CALN1: variants seen among roughly 807,000 people sequenced by gnomAD.
CALN1 encodes calcium-binding protein 8.
In CALN1, 17 loss-of-function variants were observed where a neutral mutation model predicts 30.6. The ratio of observed to expected loss-of-function variants is 0.56; its 90% CI spans 0.38 to 0.83. CALN1 has a LOEUF of 0.83. CALN1 is among the 40% of genes least tolerant of loss of function. The pLI is 0.00. For missense variants in CALN1, 291 were observed against 354.9 expected (o/e 0.82, Z 1.45); for synonymous variants, 156 against 131.4 (o/e 1.19, Z -1.28).
At chr7:72,055,934 T>C (rs1803227729) in intron 4 of CALN1, among the ~76,000 whole-genome samples, 2 of 152,136 alleles carry the variant, frequency 1.3e-5, no homozygotes, top group Non-Finnish European at 2.9e-5. Flanking sequence ...GGCAGGAGGA[T>C]TGCTTGAGCT....
At chr7:72,218,351 G>A (rs936036832) in intron 3 of CALN1, among the ~76,000 whole-genome samples, 3 of 152,028 alleles carry the variant, frequency 2.0e-5, no homozygotes, top group Non-Finnish European at 4.4e-5. Flanking sequence ...AGGAAGCTAA[G>A]GCAGGAGAAT....
intron 3 of CALN1, among the ~76,000 whole-genome samples, chr7:72,116,872 C>T (rs377517631): frequency 6.6e-6 from 1 of 152,066 alleles, no homozygotes. Flanking sequence ...TGAGAAAGTG[C>T]CCGAGGTAGT....
intron 2 of CALN1, among the ~76,000 whole-genome samples, chr7:72,377,422 A>ATGGG (rs1201000211): frequency 6.9e-6 from 1 of 145,426 alleles, no homozygotes; most frequent in Non-Finnish European, 1.5e-5. Context: ...TTTGGGTAAT[A>ATGGG]TGGGCCACAC....
chr7:72,165,095 T>C (rs561501341), intron 3 of CALN1, among the ~76,000 whole-genome samples: 6 of 152,180 alleles, frequency 3.9e-5, no homozygotes, highest in Non-Finnish European at 8.8e-5. Context: ...AAATTGTAAA[T>C]TTTAAAGTGT....
At chr7:72,473,778 C>CA in the CALN1 span, among the ~76,000 whole-genome samples, 1 of 151,690 alleles carries the variant, frequency 6.6e-6, no homozygotes, top group African/African-American at 2.4e-5. Context: ...ACCAAAAATA[C>CA]AAAAAATTAG....
intron 3 of CALN1, among the ~76,000 whole-genome samples, chr7:72,225,101 C>CAA (rs201277766): frequency 6.0e-4 from 83 of 138,266 alleles, no homozygotes; most frequent in African/African-American, 1.8e-3. Flanking sequence ...GACTCCATCT[C>CAA]AAAAAAAAAA....
chr7:71,807,761 A>G (rs1787704049), intron 6 of CALN1, among the ~76,000 whole-genome samples: 1 of 152,000 alleles, frequency 6.6e-6, no homozygotes. Flanking sequence ...CTAACATGGT[A>G]AAACCCCATC....
chr7:72,270,704 G>A (rs1585317540), intron 3 of CALN1, among the ~76,000 whole-genome samples: 1 of 152,164 alleles, frequency 6.6e-6, no homozygotes, highest in Non-Finnish European at 1.5e-5. Context: ...GAGATCAGGA[G>A]GTCAATGCTA....
intron 4 of CALN1, among the ~76,000 whole-genome samples, chr7:72,045,482 A>C (rs989753493): frequency 1.3e-5 from 2 of 152,204 alleles, no homozygotes; most frequent in Non-Finnish European, 1.5e-5. Flanking sequence ...CAAGTAATGC[A>C]ATGAGTGAGA....
chr7:72,252,634 A>G (rs1795638748), intron 3 of CALN1, among the ~76,000 whole-genome samples: 1 of 150,786 alleles, frequency 6.6e-6, no homozygotes, highest in Non-Finnish European at 1.5e-5. Context: ...AAGACAGAGG[A>G]AGGAAGGGAG....
intron 5 of CALN1, among the ~76,000 whole-genome samples, chr7:71,987,344 C>T (rs1179256315): frequency 6.6e-6 from 1 of 152,182 alleles, no homozygotes; most frequent in Non-Finnish European, 1.5e-5. Flanking sequence ...TGTGCTATTT[C>T]ACAAGTCCAT....
chr7:71,814,210 G>T (rs1788129405), intron 5 of CALN1, among the ~76,000 whole-genome samples: 1 of 152,182 alleles, frequency 6.6e-6, no homozygotes, highest in African/African-American at 2.4e-5. Context: ...TGACCGCTAT[G>T]GGTATCCCAT....
intron 3 of CALN1, among the ~76,000 whole-genome samples, chr7:72,137,521 A>G (rs371602709): frequency 6.6e-6 from 1 of 152,258 alleles, no homozygotes; most frequent in African/African-American, 2.4e-5. Flanking sequence ...CAGGGTTGCC[A>G]CAAACCTTTA....
At chr7:71,880,505 CT>C (rs1200950621) in intron 5 of CALN1, among the ~76,000 whole-genome samples, 1 of 152,070 alleles carries the variant, frequency 6.6e-6, no homozygotes, top group Non-Finnish European at 1.5e-5. Flanking sequence ...TCCCCCTTCT[CT>C]TTTCTTCTAT....
chr7:72,156,144 A>G (rs980378845), intron 3 of CALN1, among the ~76,000 whole-genome samples: 1 of 152,126 alleles, frequency 6.6e-6, no homozygotes, highest in African/African-American at 2.4e-5. Flanking sequence ...AAATCACCCA[A>G]TGAGATTCTC....
chr7:72,055,239 G>A (rs1449170754), intron 4 of CALN1, among the ~76,000 whole-genome samples: 3 of 152,194 alleles, frequency 2.0e-5, no homozygotes, highest in Non-Finnish European at 4.4e-5. Context: ...GGGGCTGGGT[G>A]GGGCAGGGTG....
chr7:72,362,798 A>C (rs1803646805), intron 2 of CALN1, among the ~76,000 whole-genome samples: 1 of 152,008 alleles, frequency 6.6e-6, no homozygotes, highest in Admixed American at 6.6e-5. Context: ...TCTTGATCCC[A>C]GCCCAGCCAT....
intron 4 of CALN1, among the ~76,000 whole-genome samples, chr7:72,063,911 G>C (rs7795939): frequency 0.43 from 66,049 of 151,916 alleles, 14,835 homozygotes; most frequent in East Asian, 0.65. Flanking sequence ...TTCAGATAAG[G>C]AATACTCAAC....
At chr7:72,084,035 C>T (rs1805325875) in intron 4 of CALN1, among the ~76,000 whole-genome samples, 1 of 151,630 alleles carries the variant, frequency 6.6e-6, no homozygotes, top group African/African-American at 2.4e-5. Flanking sequence ...ATAGTGAAAC[C>T]CTGTCTCTAC....
Sources: gnomAD v4.1 joint callset for allele counts (sites outside exome capture counted in the v4.1 genomes callset) on GRCh38, gnomAD v4.1.1 for gene constraint, MANE v1.5 for transcripts, NCBI Gene and HGNC (gene_info 2026-07-23, HGNC 2026-07-21) for gene names.